SPTBN2: variants seen among roughly 807,000 people sequenced by gnomAD.
SPTBN2 encodes the protein spectrin beta chain, non-erythrocytic 2.
SPTBN2 carries 107 observed loss-of-function variants against 284.2 expected under a neutral mutation model. That is an observed-to-expected ratio of 0.38 (90% confidence interval 0.32 to 0.44). SPTBN2 has a LOEUF of 0.44. SPTBN2 is among the 20% of genes least tolerant of loss of function. The pLI is 1.00. For synonymous variants in SPTBN2, 1,289 were observed against 1,354.8 expected (o/e 0.95, Z 1.07); for missense variants, 2,569 against 3,287.1 (o/e 0.78, Z 5.34).
intron 10 of SPTBN2, among the ~76,000 whole-genome samples, chr11:66,709,955 G>A (rs1403104906): frequency 6.6e-6 from 1 of 152,214 alleles, no homozygotes; most frequent in African/African-American, 2.4e-5. Flanking sequence ...TCTATCCTAT[G>A]CTAGGATTGG....
rs1372628624 is a variant in SPTBN2, at chr11:66,718,311, C to T, written c.158-2330G>A. 1.3e-5 allele frequency among the ~76,000 whole-genome samples: 2 copies of T among 152,224 alleles called. No homozygotes were observed. The highest frequency in any genetic ancestry group is 6.5e-5 in the Admixed American group (1 of 15,284). On this transcript the variant is annotated intron_variant, in intron 3 of 37. Coordinates refer to ENST00000533211, the MANE Select transcript of SPTBN2 (RefSeq NM_006946.4). The surrounding 1 kb of genome is among the most constrained non-coding windows in gnomAD (Gnocchi z 4.8). ...TAATTATCCCCTCTAAGCTGCATCA[C>T]GTTGTCTCCCAACACAAACACTGGA...
chr11:66,689,853 G>A lies in SPTBN2; in HGVS notation c.5901C>T (p.Ile1967=), dbSNP rs200009167. 17 of 1,614,060 alleles carry A rather than the reference G, an allele frequency of 1.1e-5. No homozygotes were observed. Among genetic ancestry groups the A allele is most frequent in the Middle Eastern group, 1.7e-4 (1 of 6,050 alleles). Residue 1967 remains isoleucine, a synonymous_variant, in exon 29 of 38, where the codon ATC becomes ATT. Coordinates refer to ENST00000533211, the MANE Select transcript of SPTBN2 (RefSeq NM_006946.4). ...TGGCCAGCAGCTCCTTCCCCATGTCGATGCAGGAGGAGAAGCGGTCTGCCC... is the reference window on the plus strand; with the variant it reads ...TGGCCAGCAGCTCCTTCCCCATGTCAATGCAGGAGGAGAAGCGGTCTGCCC... The part of the protein sequence containing the change: ...EARADRFSSC[I]DMGKELLARS...
In SPTBN2 at chr11:66,705,149, G is replaced by T; in HGVS notation, c.2127C>A (p.Ala709=). The change falls in exon 15 of 38, where the codon GCC becomes GCA. Residue 709 remains alanine, a synonymous_variant. Transcript: ENST00000533211. ...CCTGGCTTGCCCCAGGGTGACCCTC[G>T]GCCACCAACTGCTGGCCCTGCTCCA... ...LTLEQGQQLV[A]EGHPGASQAS... 6.5e-7 allele frequency: 1 copy of T among 1,536,892 alleles called. No individual in the cohort carries two copies. Among genetic ancestry groups the T allele is most frequent in the African/African-American group, 1.4e-5 (1 of 73,060 alleles).
At position 66,701,664 on chromosome 11, in the gene SPTBN2, A is replaced by G. The variant is rs763046987; in HGVS notation, c.2736T>C (p.Asn912=). 10 of 1,613,978 alleles carry G rather than the reference A, an allele frequency of 6.2e-6. No individual in the cohort carries two copies. In the South Asian group the frequency reaches 1.1e-4, roughly 18 times the overall value. ...NTLAAQITAV[N]DIAEQLLKAN... is the part of the protein sequence containing the mutation. ...CCTTCAGTAACTGCTCGGCAATGTC[A>G]TTCACCGCGGTGATTTGTGCTGCAA... Residue 912 remains asparagine, a synonymous_variant, in exon 16 of 38, where the codon AAT becomes AAC. Coordinates refer to ENST00000533211, the MANE Select transcript of SPTBN2 (RefSeq NM_006946.4).
At chr11:66,686,885 C>G in intron 36 of SPTBN2, 109 bp downstream of exon 36, 1 of 1,466,510 alleles carries the variant, frequency 6.8e-7, no homozygotes, top group Non-Finnish European at 9.4e-7. Context: ...CCTGGTTACT[C>G]CACTCAGGCT....
chr11:66,716,496 A>T (rs1282018999), intron 3 of SPTBN2, among the ~76,000 whole-genome samples: 1 of 151,844 alleles, frequency 6.6e-6, no homozygotes, highest in Non-Finnish European at 1.5e-5. Flanking sequence ...AAAAAAGAAA[A>T]GAAAAGAAAA....
intron 1 of SPTBN2, among the ~76,000 whole-genome samples, chr11:66,725,977 G>C (rs1244186326): frequency 1.3e-5 from 2 of 152,090 alleles, no homozygotes; most frequent in African/African-American, 4.8e-5. Flanking sequence ...AGGGCACTTC[G>C]GCATGCAGCT....
chr11:66,694,421 C>A, intron 21 of SPTBN2, 58 bp from the exon 22 acceptor site: 1 of 1,546,226 alleles, frequency 6.5e-7, no homozygotes, highest in South Asian at 1.2e-5. Context: ...TCATGCCCAG[C>A]AGAGACACCA....
chr11:66,698,467 C>T (rs1941056833), intron 20 of SPTBN2, among the ~76,000 whole-genome samples, 172 bp downstream of exon 20: 1 of 152,244 alleles, frequency 6.6e-6, no homozygotes, highest in African/African-American at 2.4e-5. Flanking sequence ...CTGTCCCACT[C>T]TTTGTCTCCA....
rs183478279 is a variant in SPTBN2, at chr11:66,687,792, C to T, written c.6501+76G>A. 7.6e-4 allele frequency: 1,217 copies of T among 1,591,650 alleles called. 14 individuals carry two copies. The highest frequency in any genetic ancestry group is 4.2e-5 in the Non-Finnish European group (49 of 1,159,858). ...CCTCTCCCATCCCATCCCCAGTACT[C>T]CCCCACCCGCACTCACCACCCCCTC... On this transcript the variant is annotated intron_variant, in intron 34 of 37. Transcript: ENST00000533211. The surrounding 1 kb of genome is among the most constrained non-coding windows in gnomAD (Gnocchi z 5.2).
upstream of SPTBN2, among the ~76,000 whole-genome samples, chr11:66,733,304 C>A (rs1942827030): frequency 6.6e-6 from 1 of 152,130 alleles, no homozygotes; most frequent in African/African-American, 2.4e-5. Flanking sequence ...TAGGAGGCTA[C>A]CACTGTGGGT....
At position 66,701,055 on chromosome 11, in the gene SPTBN2, A is replaced by G; in HGVS notation, c.3044T>C (p.Val1015Ala). 6.2e-7 allele frequency: 1 copy of G among 1,610,114 alleles called. No individual in the cohort carries two copies. Residue 1015 changes from valine to alanine, a missense_variant, in exon 17 of 38, where the codon GTG (valine) becomes GCG (alanine). Val to Ala is a moderately conservative substitution (Grantham distance 64). This residue lies in a region of SPTBN2 where 1,012 missense variants were observed against 1,248.9 expected (regional missense o/e 0.81). Transcript: ENST00000533211. ...ERDLEAIAAR[V>A]GELTREANAL... The stretch of plus-strand genomic sequence containing the variant: ...ATTTGCCTCTCGAGTCAGTTCGCCC[A>G]CCCGGGCGGCGATGGCCTCCAGGTC...
intron 8 of SPTBN2, among the ~76,000 whole-genome samples, chr11:66,712,180 A>G (rs149225467): frequency 2.6e-5 from 4 of 152,350 alleles, no homozygotes; most frequent in African/African-American, 9.6e-5. Flanking sequence ...TAAACTGAGG[A>G]TAACAACAGT....
rs1458196108 is a variant in SPTBN2, at chr11:66,708,122, T to C, written c.1350+19A>G. Reference sequence around the variant, plus strand: ...CCAGTTCTGACCAGCCTAAGCATCCTAGGAGCCTCAAGTCCTACCTGGGAC... The same window carrying C: ...CCAGTTCTGACCAGCCTAAGCATCCCAGGAGCCTCAAGTCCTACCTGGGAC... On this transcript the variant is annotated intron_variant, in intron 12 of 37. Transcript: ENST00000533211. The surrounding 1 kb of genome is among the most constrained non-coding windows in gnomAD (Gnocchi z 4.4). 3 of 1,613,060 alleles carry C rather than the reference T, an allele frequency of 1.9e-6. No individual in the cohort carries two copies. Among genetic ancestry groups the C allele is most frequent in the Admixed American group, 3.3e-5 (2 of 60,022 alleles).
rs1243023252 is a variant in SPTBN2 at position 66,718,535 on chromosome 11, T to C, written c.157+2549A>G. ...TGAAAGCAGGAGGCCCCCGGGGTTG[T>C]GGGCCCCTTCCACAGCCTCATAGTA... On this transcript the variant is annotated intron_variant, in intron 3 of 37. Coordinates refer to ENST00000533211, the MANE Select transcript of SPTBN2 (RefSeq NM_006946.4). This position sits in a 1 kb window ranked among gnomAD's most constrained non-coding sequence, Gnocchi z 4.8. Among the ~76,000 whole-genome samples the C allele has an allele frequency of 1.3e-5, 2 of 152,346 alleles. No individual in the cohort carries two copies. The highest frequency in any genetic ancestry group is 6.5e-5 in the Admixed American group (1 of 15,304).
rs1427926290 is a variant in SPTBN2, at chr11:66,715,540, T to A, written c.310-145A>T. 4.2e-6 allele frequency: 5 copies of A among 1,185,858 alleles called. No individual in the cohort carries two copies. In the African/African-American group the frequency reaches 7.7e-5, roughly 18 times the overall value. The allele number at this position is 1,185,858 out of a possible 1,614,324, so 73.5% of individuals were successfully genotyped here. Reference sequence around the variant, plus strand: ...ACAGCCCCAGGGCTGGAGCCAAAGCTGAGCTTACAGATGAGGCTTGGGCAG... The same window carrying A: ...ACAGCCCCAGGGCTGGAGCCAAAGCAGAGCTTACAGATGAGGCTTGGGCAG... On this transcript the variant is annotated intron_variant, in intron 4 of 37. Coordinates refer to ENST00000533211, the MANE Select transcript of SPTBN2 (RefSeq NM_006946.4). The surrounding 1 kb of genome is among the most constrained non-coding windows in gnomAD (Gnocchi z 5.3).
At chr11:66,743,600 T>C (rs1231441923) in intron 1 of SPTBN2, among the ~76,000 whole-genome samples, 1 of 152,182 alleles carries the variant, frequency 6.6e-6, no homozygotes, top group Non-Finnish European at 1.5e-5. Context: ...TCCCGGAACC[T>C]GGCAGAGAGC....
chr11:66,690,398 G>A, intron 27 of SPTBN2, 115 bp from the exon 28 acceptor site: 2 of 1,401,314 alleles, frequency 1.4e-6, no homozygotes, highest in South Asian at 1.5e-5. Flanking sequence ...AAGAAGCAGG[G>A]GGAGGAGCCA....
At chr11:66,735,898 G>C (rs529272245) in intron 1 of SPTBN2, among the ~76,000 whole-genome samples, 2 of 152,106 alleles carry the variant, frequency 1.3e-5, no homozygotes, top group Admixed American at 6.5e-5. Context: ...CCTCACTTGA[G>C]TCTATGACTT....
Sources: gnomAD v4.1 joint callset for allele counts (sites outside exome capture counted in the v4.1 genomes callset) on GRCh38, gnomAD v4.1.1 for gene constraint, gnomAD v4.1.1 regional missense constraint, Gnocchi (gnomAD v3.1) non-coding constraint, MANE v1.5 for transcripts, NCBI Gene and HGNC (gene_info 2026-07-23, HGNC 2026-07-21) for gene names.